Variants in DENND1A observed in about 807,000 individuals in gnomAD.
DENND1A encodes DENN domain-containing protein 1A.
In DENND1A, 51 loss-of-function variants were observed where a neutral mutation model predicts 113.7. That is an observed-to-expected ratio of 0.45 (90% CI 0.36 to 0.57). The LOEUF (loss-of-function observed/expected upper bound fraction) is 0.57. Ranked by LOEUF, DENND1A falls within the 20% of genes least tolerant of loss-of-function variation. The probability of loss-of-function intolerance (pLI) is 0.00; values close to 1 mark genes in which losing one functional copy is unlikely to be tolerated. For missense variants in DENND1A, 1,258 were observed against 1,395.9 expected (o/e 0.90, Z 1.57); for synonymous variants, 565 against 570.8 (o/e 0.99, Z 0.14).
chr9:123,586,982 A>G (rs1361891577), intron 11 of DENND1A, among the ~76,000 whole-genome samples: 2 of 151,968 alleles, frequency 1.3e-5, no homozygotes, highest in Non-Finnish European at 2.9e-5. Context: ...CCCGCAATGC[A>G]ACGGGGCTCT....
chr9:123,608,777 T>C (rs1029624677), intron 11 of DENND1A, among the ~76,000 whole-genome samples: 1 of 152,212 alleles, frequency 6.6e-6, no homozygotes, highest in African/African-American at 2.4e-5. Context: ...ACAACCTCAG[T>C]GTCCAACAGT....
At chr9:123,769,464 C>A (rs1188500501) in intron 4 of DENND1A, 50 bp downstream of exon 4, 17 of 1,456,358 alleles carry the variant, frequency 1.2e-5, no homozygotes, top group African/African-American at 2.8e-5. Context: ...TTTTCTATAG[C>A]AGGTTTATTG....
At chr9:123,915,667 A>C (rs1388544272) in intron 1 of DENND1A, among the ~76,000 whole-genome samples, 1 of 152,188 alleles carries the variant, frequency 6.6e-6, no homozygotes, top group Non-Finnish European at 1.5e-5. Context: ...TCTAAAGTTA[A>C]TTAACAGAGA....
intron 1 of DENND1A, among the ~76,000 whole-genome samples, chr9:123,923,164 C>G (rs928105704): frequency 1.3e-5 from 2 of 152,224 alleles, no homozygotes; most frequent in African/African-American, 4.8e-5. Context: ...TGCAAACATA[C>G]TTTCCTAGAG....
At chr9:123,678,001 G>A (rs2064200464) in intron 5 of DENND1A, among the ~76,000 whole-genome samples, 1 of 152,054 alleles carries the variant, frequency 6.6e-6, no homozygotes, top group Admixed American at 6.5e-5. Flanking sequence ...CCAGACCTCT[G>A]TGGGTCTAGT....
intron 22 of DENND1A, among the ~76,000 whole-genome samples, chr9:123,384,356 C>T (rs183425358): frequency 1.2e-3 from 185 of 152,316 alleles, no homozygotes; most frequent in Admixed American, 2.5e-3. Flanking sequence ...CTGTGAACAG[C>T]CCATGGGGAA....
intron 19 of DENND1A, among the ~76,000 whole-genome samples, chr9:123,415,916 A>G (rs1181878570): frequency 6.6e-6 from 1 of 152,110 alleles, no homozygotes; most frequent in Non-Finnish European, 1.5e-5. Flanking sequence ...GATGGGGAAG[A>G]GTAGTCTGGA....
chr9:123,391,907 A>G (rs2042870434), intron 21 of DENND1A, among the ~76,000 whole-genome samples: 1 of 152,132 alleles, frequency 6.6e-6, no homozygotes, highest in Admixed American at 6.5e-5. Context: ...TTGGCTGCCC[A>G]GCGAGGGCTG....
intron 2 of DENND1A, among the ~76,000 whole-genome samples, chr9:123,801,761 C>A (rs1834706600): frequency 6.6e-6 from 1 of 152,178 alleles, no homozygotes; most frequent in East Asian, 1.9e-4. Context: ...ATCCTTAGTG[C>A]AGACATTAAG....
intron 1 of DENND1A, among the ~76,000 whole-genome samples, chr9:123,881,019 G>T (rs1369135482): frequency 6.6e-6 from 1 of 151,998 alleles, no homozygotes; most frequent in African/African-American, 2.4e-5. Flanking sequence ...TTATTTCGGG[G>T]GTGTAAAATC....
At chr9:123,582,609 C>T (rs556119024) in intron 12 of DENND1A, among the ~76,000 whole-genome samples, 1 of 152,134 alleles carries the variant, frequency 6.6e-6, no homozygotes, top group Non-Finnish European at 1.5e-5. Flanking sequence ...CCATGTTAGC[C>T]AGGATGGTCT....
intron 22 of DENND1A, among the ~76,000 whole-genome samples, chr9:123,387,332 T>C (rs1289002461): frequency 6.6e-6 from 1 of 152,088 alleles, no homozygotes; most frequent in Non-Finnish European, 1.5e-5. Context: ...ATGAGGAACG[T>C]TTTCTTTTTT....
At chr9:123,621,701 C>A (rs369679724) in intron 10 of DENND1A, among the ~76,000 whole-genome samples, 1 of 152,140 alleles carries the variant, frequency 6.6e-6, no homozygotes, top group Admixed American at 6.5e-5. Context: ...TTTCTGCTTC[C>A]GCCGCACCAC....
chr9:123,473,057 C>T (rs1353925818), intron 13 of DENND1A, among the ~76,000 whole-genome samples: 6 of 152,200 alleles, frequency 3.9e-5, no homozygotes, highest in East Asian at 1.9e-4. Context: ...GCCTGGCTGC[C>T]GGTCAGATCC....
Position 123,836,767 on chromosome 9 carries a change from A to G in DENND1A, c.88+42184T>C, listed in dbSNP as rs577921429. Among the ~76,000 whole-genome samples, 25 of 152,258 alleles carry G rather than the reference A, an allele frequency of 1.6e-4. No homozygotes were observed. The South Asian group carries it at 5.0e-3, about 30-fold the overall frequency. ...TAAATAATTTTTAATGTTATCTTAC[A>G]AATAAAAGTTGTTTATTCACATTAC... is the stretch of plus-strand genomic sequence containing the variant. On this transcript the variant is annotated intron_variant, in intron 2 of 23. Coordinates refer to ENST00000394215, the MANE Select transcript of DENND1A (RefSeq NM_001352964.2).
intron 3 of DENND1A, among the ~76,000 whole-genome samples, chr9:123,776,350 G>A (rs544913864): frequency 2.0e-5 from 3 of 152,198 alleles, no homozygotes; most frequent in African/African-American, 7.2e-5. Context: ...GTACCTAAAG[G>A]TCTAAAAATT....
At chr9:123,881,993 C>T (rs1848377935) in intron 1 of DENND1A, among the ~76,000 whole-genome samples, 1 of 152,120 alleles carries the variant, frequency 6.6e-6, no homozygotes, top group Non-Finnish European at 1.5e-5. Context: ...CAGGACGTTG[C>T]TCTCTGTTGA....
intron 13 of DENND1A, among the ~76,000 whole-genome samples, chr9:123,474,974 G>A (rs2049782727): frequency 6.6e-6 from 1 of 152,102 alleles, no homozygotes; most frequent in Non-Finnish European, 1.5e-5. Flanking sequence ...GGGAAAGCAG[G>A]ATAAAAATAG....
chr9:123,668,054 T>G (rs2063575791), intron 7 of DENND1A, among the ~76,000 whole-genome samples: 1 of 152,120 alleles, frequency 6.6e-6, no homozygotes, highest in African/African-American at 2.4e-5. Context: ...GACAACAGGC[T>G]GAACTGATGG....
Sources: allele counts gnomAD v4.1 joint callset (sites outside exome capture counted in the v4.1 genomes callset), GRCh38; gene constraint gnomAD v4.1.1; transcripts MANE v1.5; gene names NCBI Gene and HGNC (gene_info 2026-07-23, HGNC 2026-07-21).